DDX10: variants seen among roughly 807,000 people sequenced by gnomAD.
DDX10 encodes DEAD-box helicase 10, also known as probable ATP-dependent RNA helicase DDX10.
Under a neutral mutation model 104.3 loss-of-function variants are expected in DDX10, and 74 were observed. The ratio of observed to expected loss-of-function variants is 0.71; its 90% confidence interval spans 0.59 to 0.86. DDX10 has a LOEUF of 0.86. Among genes scored for constraint, DDX10 ranks in the 40% least tolerant of loss-of-function variants. DDX10 has a pLI of 0.00. For synonymous variants in DDX10, 351 were observed against 353.4 expected (o/e 0.99, Z 0.08); for missense variants, 952 against 1,040.0 (o/e 0.92, Z 1.16).
chr11:108,714,769 A>G (rs1323063767), intron 10 of DDX10, among the ~76,000 whole-genome samples: 26 of 152,048 alleles, frequency 1.7e-4, no homozygotes, highest in Admixed American at 1.7e-3. Flanking sequence ...GCGCTGTTGA[A>G]ACACCCTGGC....
intron 13 of DDX10, among the ~76,000 whole-genome samples, chr11:108,785,748 A>G (rs1461532330): frequency 6.6e-6 from 1 of 152,048 alleles, no homozygotes; most frequent in African/African-American, 2.4e-5. Context: ...CCAATCTTTT[A>G]TATTTCTGTG....
At chr11:108,866,738 G>A (rs897501343) in intron 16 of DDX10, among the ~76,000 whole-genome samples, 2 of 152,144 alleles carry the variant, frequency 1.3e-5, no homozygotes, top group African/African-American at 2.4e-5. Context: ...TCACATGTAG[G>A]TATTATCAAT....
At chr11:108,686,171 T>C (rs114142955) in intron 6 of DDX10, among the ~76,000 whole-genome samples, 1,784 of 152,292 alleles carry the variant, frequency 0.012, 38 homozygotes, top group African/African-American at 0.041. Context: ...GCTGTCCCCA[T>C]GCAGCCTCTG....
intron 16 of DDX10, among the ~76,000 whole-genome samples, chr11:108,892,647 T>C (rs1346256979): frequency 1.3e-5 from 2 of 152,190 alleles, no homozygotes; most frequent in Non-Finnish European, 2.9e-5. Context: ...CTATTATTAA[T>C]AGAACTAGTG....
chr11:108,887,914 GAAAAAAAGAA>G (rs1056710039), intron 16 of DDX10, among the ~76,000 whole-genome samples: 10 of 146,788 alleles, frequency 6.8e-5, no homozygotes, highest in South Asian at 2.2e-4. Context: ...AAGACTCTCT[GAAAAAAAGAA>G]AAAAAAAGAA....
intron 16 of DDX10, among the ~76,000 whole-genome samples, chr11:108,916,122 C>T (rs1863747411): frequency 6.6e-6 from 1 of 152,110 alleles, no homozygotes; most frequent in Non-Finnish European, 1.5e-5. Context: ...TTGGCATCCT[C>T]CATTCTTTTT....
At chr11:108,803,398 A>G (rs1027914210) in intron 13 of DDX10, among the ~76,000 whole-genome samples, 1 of 152,188 alleles carries the variant, frequency 6.6e-6, no homozygotes, top group African/African-American at 2.4e-5. Context: ...GTTTGAGACC[A>G]GCCTGACCAA....
At chr11:108,683,632 A>G (rs1289556045) in intron 6 of DDX10, among the ~76,000 whole-genome samples, 1 of 152,208 alleles carries the variant, frequency 6.6e-6, no homozygotes, top group Admixed American at 6.5e-5. Flanking sequence ...TAGCCCTGCA[A>G]TTTTAGCAGC....
intron 16 of DDX10, among the ~76,000 whole-genome samples, chr11:108,889,353 T>G (rs1049526214): frequency 7.2e-5 from 11 of 152,152 alleles, no homozygotes; most frequent in African/African-American, 2.4e-4. Context: ...AAAACTCTAG[T>G]GAGGGATTCC....
At chr11:108,759,485 A>G (rs891332417) in intron 13 of DDX10, among the ~76,000 whole-genome samples, 4 of 151,980 alleles carry the variant, frequency 2.6e-5, no homozygotes, top group Non-Finnish European at 5.9e-5. Flanking sequence ...GTAGTTTTCA[A>G]TACTCCACTG....
Position 108,940,304 on chromosome 11 carries a change from G to A in DDX10, c.2509G>A (p.Gly837Arg), listed in dbSNP as rs932925071. 1 of 1,613,868 alleles carries A rather than the reference G, an allele frequency of 6.2e-7. No homozygotes were observed. Among genetic ancestry groups the A allele is most frequent in the Non-Finnish European group, 8.5e-7 (1 of 1,180,010 alleles). ...KRSNSEVEDV[G>R]PTSHNRKKAR... ...GAGCAACAGTGAAGTGGAAGACGTGGGACCAACAAGTCATAACAGAAAGAA... is the reference window on the plus strand; with the variant it reads ...GAGCAACAGTGAAGTGGAAGACGTGAGACCAACAAGTCATAACAGAAAGAA... The change falls in exon 18 of 18, where the codon GGA (glycine) becomes AGA (arginine). Residue 837 changes from glycine to arginine, a missense_variant. By Grantham distance (125) the Gly-to-Arg change is moderately radical (BLOSUM62 -2). Around this residue, in one of 3 missense-constraint regions of DDX10, gnomAD observed 533 missense variants for 534.1 expected, o/e 1.00. Coordinates refer to ENST00000322536, the MANE Select transcript of DDX10 (RefSeq NM_004398.4).
intron 13 of DDX10, among the ~76,000 whole-genome samples, chr11:108,738,325 T>G (rs1410848824): frequency 1.3e-5 from 2 of 151,780 alleles, no homozygotes. Flanking sequence ...TGTTTCCTCT[T>G]AAGAGTTTTT....
intron 9 of DDX10, among the ~76,000 whole-genome samples, chr11:108,705,366 C>T (rs577785320): frequency 2.8e-4 from 43 of 152,278 alleles, no homozygotes; most frequent in African/African-American, 9.9e-4. Flanking sequence ...TATTTCTTTT[C>T]CATCTTCAAG....
At chr11:108,738,790 G>C (rs888046341) in intron 13 of DDX10, among the ~76,000 whole-genome samples, 1 of 152,140 alleles carries the variant, frequency 6.6e-6, no homozygotes, top group African/African-American at 2.4e-5. Flanking sequence ...GCAGGTTAAC[G>C]TATTAGCCTG....
At chr11:108,887,883 C>G (rs1318275274) in intron 16 of DDX10, among the ~76,000 whole-genome samples, 1 of 151,920 alleles carries the variant, frequency 6.6e-6, no homozygotes, top group Non-Finnish European at 1.5e-5. Context: ...TCACACCACT[C>G]TCCAGCCTGG....
chr11:108,883,691 C>T (rs1001399586), intron 16 of DDX10, among the ~76,000 whole-genome samples: 1 of 152,156 alleles, frequency 6.6e-6, no homozygotes, highest in Non-Finnish European at 1.5e-5. Flanking sequence ...GCTACTTACT[C>T]AGCATGTTAT....
chr11:108,665,127 A>T lies in DDX10; in HGVS notation c.-27A>T, dbSNP rs771785543. On this transcript the variant is annotated 5_prime_UTR_variant, in exon 1 of 18. Coordinates refer to ENST00000322536, the MANE Select transcript of DDX10 (RefSeq NM_004398.4). ...CTTAGGTGTCTCGTGTCTGGGGTTG[A>T]TCCGAGCTGTCGCCGCCGCCGCCGC... 1.9e-6 allele frequency: 3 copies of T among 1,592,372 alleles called. No homozygotes were observed. The highest frequency in any genetic ancestry group is 8.5e-7 in the Non-Finnish European group (1 of 1,170,404).
At chr11:108,720,198 A>G (rs1226497277) in intron 12 of DDX10, among the ~76,000 whole-genome samples, 1 of 152,246 alleles carries the variant, frequency 6.6e-6, no homozygotes, top group Non-Finnish European at 1.5e-5. Flanking sequence ...AAATTAGTTC[A>G]GTGTTCAGTT....
At chr11:108,895,289 A>T (rs1863426701) in intron 16 of DDX10, among the ~76,000 whole-genome samples, 1 of 150,990 alleles carries the variant, frequency 6.6e-6, no homozygotes, top group Non-Finnish European at 1.5e-5. Context: ...TTAAGGTGTG[A>T]TTTGTTTCTT....
Sources: gnomAD v4.1 joint callset for allele counts (sites outside exome capture counted in the v4.1 genomes callset) on GRCh38, gnomAD v4.1.1 for gene constraint, gnomAD v4.1.1 regional missense constraint, MANE v1.5 for transcripts, NCBI Gene and HGNC (gene_info 2026-07-23, HGNC 2026-07-21) for gene names.